Variants in PCNX2 observed in about 807,000 individuals in gnomAD.
The protein encoded by PCNX2 is pecanex-like protein 2.
In PCNX2, 168 loss-of-function variants were observed where a neutral mutation model predicts 223.8. That is an observed-to-expected ratio of 0.75 (90% confidence interval 0.66 to 0.85). The LOEUF is 0.85. Ranked by LOEUF, PCNX2 falls within the 40% of genes least tolerant of loss-of-function variation. The probability of loss-of-function intolerance (pLI) is 0.00; values close to 1 mark genes in which losing one functional copy is unlikely to be tolerated. For synonymous variants in PCNX2, 1,006 were observed against 1,052.6 expected (o/e 0.96, Z 0.86); for missense variants, 2,507 against 2,675.5 (o/e 0.94, Z 1.39).
At chr1:233,132,541 G>A (rs979372306) in intron 21 of PCNX2, among the ~76,000 whole-genome samples, 6 of 152,130 alleles carry the variant, frequency 3.9e-5, no homozygotes, top group African/African-American at 9.7e-5. Flanking sequence ...CCACGCCTAG[G>A]ACTCTTACAG....
chr1:233,283,565 C>T (rs1661295244), intron 1 of PCNX2, among the ~76,000 whole-genome samples: 1 of 152,094 alleles, frequency 6.6e-6, no homozygotes, highest in Non-Finnish European at 1.5e-5. Context: ...GAAAAGGTCT[C>T]ACTTGCCAAA....
intron 32 of PCNX2, among the ~76,000 whole-genome samples, chr1:232,995,072 C>T (rs1334186552): frequency 6.6e-6 from 1 of 152,196 alleles, no homozygotes; most frequent in African/African-American, 2.4e-5. Flanking sequence ...TGAATGTGCA[C>T]ATGAAAGTAC....
Position 233,084,660 on chromosome 1 carries a change from T to C in PCNX2, c.4076+5401A>G, listed in dbSNP as rs1239450200. 3.3e-5 allele frequency among the ~76,000 whole-genome samples: 5 copies of C among 152,242 alleles called. No individual in the cohort carries two copies. The South Asian group carries it at 6.2e-4, about 19-fold the overall frequency. On this transcript the variant is annotated intron_variant, in intron 23 of 33. Transcript: ENST00000258229. ...TTTAGAACAAAGATGTTTGCTGAGA[T>C]AACTGGGCACATGTATCATGTAATT...
chr1:233,042,656 A>G (rs1208842597), intron 25 of PCNX2, among the ~76,000 whole-genome samples: 2 of 152,166 alleles, frequency 1.3e-5, no homozygotes, highest in African/African-American at 2.4e-5. Flanking sequence ...GAACTGATGG[A>G]CTGTCAAAGC....
chr1:233,280,446 C>T (rs139147165), intron 1 of PCNX2, among the ~76,000 whole-genome samples: 2,300 of 152,056 alleles, frequency 0.015, 26 homozygotes, highest in African/African-American at 0.033. Flanking sequence ...TATAGGCATG[C>T]GCCACCATGC....
At chr1:233,302,066 G>A in the PCNX2 span, among the ~76,000 whole-genome samples, 1 of 152,108 alleles carries the variant, frequency 6.6e-6, no homozygotes, top group Admixed American at 6.5e-5. Context: ...AAAGTGTTGG[G>A]ATTATAGTGA....
chr1:233,295,243 G>A lies in PCNX2; in HGVS notation c.153+83C>T. The A allele has an allele frequency of 6.5e-7, 1 of 1,535,706 alleles. No individual in the cohort carries two copies. Among genetic ancestry groups the A allele is most frequent in the Non-Finnish European group, 8.8e-7 (1 of 1,134,126 alleles). ...AATCTCTACGAACCCGAAAGCCCGT[G>A]AGGCTGATGGCACGTCTGTGGTTCC... On this transcript the variant is annotated intron_variant, in intron 1 of 33. Transcript: ENST00000258229. This position sits in a 1 kb window ranked among gnomAD's most constrained non-coding sequence, Gnocchi z 4.1.
chr1:233,196,369 A>G (rs1019500464), intron 15 of PCNX2, among the ~76,000 whole-genome samples: 1 of 152,058 alleles, frequency 6.6e-6, no homozygotes, highest in Admixed American at 6.5e-5. Context: ...GATAAATTGG[A>G]CTTCATTGTA....
chr1:233,204,402 G>A (rs930863909), intron 13 of PCNX2, among the ~76,000 whole-genome samples: 9 of 152,054 alleles, frequency 5.9e-5, no homozygotes, highest in African/African-American at 1.9e-4. Context: ...TTGTTACAGC[G>A]GCTCTAGGAA....
intron 25 of PCNX2, among the ~76,000 whole-genome samples, chr1:233,026,469 A>G (rs1404119647): frequency 1.3e-5 from 2 of 152,100 alleles, no homozygotes; most frequent in African/African-American, 4.8e-5. Flanking sequence ...TCTTAGGAGG[A>G]CCACTCTGGC....
chr1:232,985,646 A>T (rs944722273), intron 33 of PCNX2: 2 of 370,152 alleles, frequency 5.4e-6, no homozygotes, highest in Non-Finnish European at 9.7e-6. Context: ...GCAGTGGGCC[A>T]TCTCAGCAGC....
chr1:233,044,584 G>A (rs1219358165), intron 25 of PCNX2, among the ~76,000 whole-genome samples: 12 of 141,446 alleles, frequency 8.5e-5, no homozygotes, highest in Non-Finnish European at 1.3e-4. Flanking sequence ...GTTTTCTTAC[G>A]TTAACAAGAA....
intron 12 of PCNX2, among the ~76,000 whole-genome samples, chr1:233,213,954 G>A (rs1205172666): frequency 2.0e-5 from 3 of 149,106 alleles, no homozygotes; most frequent in Non-Finnish European, 3.0e-5. Context: ...TCAGCCTCCC[G>A]AGTAGCTGGG....
chr1:233,208,429 C>G, intron 13 of PCNX2, 89 bp downstream of exon 13: 1 of 1,368,576 alleles, frequency 7.3e-7, no homozygotes. Flanking sequence ...ACCCAATAAT[C>G]AAGTAAGGAA....
At chr1:233,185,481 AG>A (rs1680045328) in intron 15 of PCNX2, among the ~76,000 whole-genome samples, 1 of 152,142 alleles carries the variant, frequency 6.6e-6, no homozygotes, top group African/African-American at 2.4e-5. Context: ...TTAAAAAAAA[AG>A]GTTAGGATGT....
At chr1:233,225,086 T>C (rs1170179759) in intron 10 of PCNX2, among the ~76,000 whole-genome samples, 1 of 128,714 alleles carries the variant, frequency 7.8e-6, no homozygotes, top group Non-Finnish European at 1.6e-5. Context: ...CTGCACGTTC[T>C]GCACATGTAT....
rs1253867833 is a variant in PCNX2, at chr1:233,156,034, C to A, written c.3517+4249G>T. 2.0e-5 allele frequency among the ~76,000 whole-genome samples: 3 copies of A among 152,272 alleles called. No individual in the cohort carries two copies. In the Middle Eastern group the frequency reaches 0.01, roughly 518 times the overall value. The stretch of plus-strand genomic sequence containing the variant: ...CATTAATATAACTCAGTTGTGTCCC[C>A]ATGACCATCATGATTCATCTGATGC... On this transcript the variant is annotated intron_variant, in intron 19 of 33. Coordinates refer to ENST00000258229, the MANE Select transcript of PCNX2 (RefSeq NM_014801.4).
chr1:233,321,320 C>G, the PCNX2 span, among the ~76,000 whole-genome samples: 1 of 151,968 alleles, frequency 6.6e-6, no homozygotes, highest in Non-Finnish European at 1.5e-5. Flanking sequence ...TTTTTTGAGA[C>G]AGCGTCTTGC....
At chr1:233,211,088 T>C (rs1225352210) in intron 12 of PCNX2, among the ~76,000 whole-genome samples, 4 of 152,120 alleles carry the variant, frequency 2.6e-5, no homozygotes. Flanking sequence ...GAATGTTCTG[T>C]TGTTGTGAAG....
Sources: gnomAD v4.1 joint callset for allele counts (sites outside exome capture counted in the v4.1 genomes callset) on GRCh38, gnomAD v4.1.1 for gene constraint, Gnocchi (gnomAD v3.1) non-coding constraint, MANE v1.5 for transcripts, NCBI Gene and HGNC (gene_info 2026-07-23, HGNC 2026-07-21) for gene names.